The following NNT variants were observed in gnomAD, a reference collection of about 807,000 sequenced individuals.
NNT encodes nicotinamide nucleotide transhydrogenase.
A neutral mutation model predicts 104.8 loss-of-function variants in NNT; 50 were observed. The ratio of observed to expected loss-of-function variants is 0.48; its 90% CI spans 0.38 to 0.60. NNT has a LOEUF of 0.60. Among genes scored for constraint, NNT ranks in the 20% least tolerant of loss-of-function variants. The probability of loss-of-function intolerance (pLI) is 0.00; values close to 1 mark genes in which losing one functional copy is unlikely to be tolerated. For synonymous variants in NNT, 461 were observed against 490.4 expected (o/e 0.94, Z 0.79); for missense variants, 1,131 against 1,330.7 (o/e 0.85, Z 2.33).
chr5:43,652,960 C>T (rs993889448), intron 13 of NNT, 58 bp from the exon 14 acceptor site: 2 of 1,365,002 alleles, frequency 1.5e-6, no homozygotes, highest in Non-Finnish European at 2.0e-6. Flanking sequence ...ATATTGAAAT[C>T]TCTAAGCTAA....
At chr5:43,634,206 A>G (rs886161832) in intron 7 of NNT, among the ~76,000 whole-genome samples, 16 of 152,242 alleles carry the variant, frequency 1.1e-4, no homozygotes, top group South Asian at 6.2e-4. Flanking sequence ...GTTTTCCTCC[A>G]ATATGCAAGT....
At chr5:43,702,504 C>T (rs111304614) in intron 20 of NNT, 117 bp from the exon 21 acceptor site, 30 of 642,088 alleles carry the variant, frequency 4.7e-5, no homozygotes, top group Middle Eastern at 4.3e-4. Context: ...GGCACAAGTG[C>T]GAATCCTATA....
intron 1 of NNT, among the ~76,000 whole-genome samples, chr5:43,608,603 C>T (rs997372988): frequency 2.6e-5 from 4 of 152,130 alleles, no homozygotes; most frequent in African/African-American, 9.7e-5. Flanking sequence ...ACTCAGTCAG[C>T]CTCAGTTCAG....
In NNT at chr5:43,609,057, A is replaced by G. The variant is rs868648855; in HGVS notation, c.-53-86A>G. 72 of 619,386 alleles carry G rather than the reference A, an allele frequency of 1.2e-4. 1 individual carries two copies. In the Middle Eastern group the frequency reaches 8.2e-3, roughly 71 times the overall value. 38.4% of individuals were successfully genotyped at this position (619,386 alleles called of 1,614,324 possible). A position where few individuals can be genotyped will look rare whatever the true frequency, so the allele number is the denominator to read the frequency against. ...AACTGTTATATTTCAAGCTCTTTAG[A>G]TTAGTATTTTTAAAATGTTTTTCAT... On this transcript the variant is annotated intron_variant, in intron 1 of 21. Transcript: ENST00000344920.
intron 19 of NNT, 28 bp from the exon 20 acceptor site, chr5:43,700,091 G>A (rs745878897): frequency 2.5e-6 from 4 of 1,569,564 alleles, no homozygotes; most frequent in Non-Finnish European, 1.8e-6. Context: ...GTCAAGTAAG[G>A]CCAGCTCTTC....
At chr5:43,636,783 AT>A (rs34333213) in intron 7 of NNT, among the ~76,000 whole-genome samples, 5,130 of 152,180 alleles carry the variant, frequency 0.034, 135 homozygotes, top group East Asian at 0.12. Flanking sequence ...ATCTTGACTA[AT>A]TTTGCTTTTT....
chr5:43,619,882 G>T (rs1749979716), intron 5 of NNT, among the ~76,000 whole-genome samples: 1 of 152,170 alleles, frequency 6.6e-6, no homozygotes, highest in African/African-American at 2.4e-5. Context: ...ACTCATGGTG[G>T]ACAGTGTAAA....
chr5:43,661,677 TGTG>T (rs1561300424), intron 17 of NNT, among the ~76,000 whole-genome samples: 4 of 150,686 alleles, frequency 2.7e-5, no homozygotes, highest in African/African-American at 9.8e-5. Flanking sequence ...TTTTTGTTCT[TGTG>T]ATAGTTTACT....
At chr5:43,704,213 G>T in intron 21 of NNT, 42 bp from the exon 22 acceptor site, 1 of 1,504,766 alleles carries the variant, frequency 6.6e-7, no homozygotes, top group South Asian at 1.4e-5. Context: ...GTCCTAGGTT[G>T]GTCTGTTAAA....
intron 19 of NNT, among the ~76,000 whole-genome samples, chr5:43,697,475 TC>T (rs1742617870): frequency 6.6e-6 from 1 of 152,236 alleles, no homozygotes; most frequent in South Asian, 2.1e-4. Context: ...TCTAAACTGT[TC>T]CAGCCTCTGC....
Position 43,650,516 on chromosome 5 carries a change from A to G in NNT, c.1646A>G (p.His549Arg). The G allele has an allele frequency of 4.3e-6, 7 of 1,614,092 alleles. No individual in the cohort carries two copies. Among genetic ancestry groups the G allele is most frequent in the Non-Finnish European group, 5.9e-6 (7 of 1,180,002 alleles). ...AVGGLALMGG[H>R]LYPSTTSQGL... ...GGTGGGTTGGCACTGATGGGAGGAC[A>G]TTTGTATCCTTCCACAACTTCTCAG... Residue 549 changes from histidine to arginine, a missense_variant, in exon 12 of 22, where the codon CAT becomes CGT. Transcript: ENST00000344920.
intron 16 of NNT, 63 bp from the exon 17 acceptor site, chr5:43,659,108 T>G: frequency 6.9e-7 from 1 of 1,449,368 alleles, no homozygotes. Context: ...AGCAAAATGT[T>G]AAATGTCAGA....
chr5:43,635,526 T>C (rs1750887356), intron 7 of NNT, among the ~76,000 whole-genome samples: 1 of 152,188 alleles, frequency 6.6e-6, no homozygotes, highest in Admixed American at 6.6e-5. Context: ...GAGAACATTG[T>C]ATTAGTGTGC....
intron 12 of NNT, 32 bp from the exon 13 acceptor site, chr5:43,651,707 A>T: frequency 6.2e-7 from 1 of 1,612,170 alleles, no homozygotes; most frequent in Non-Finnish European, 8.5e-7. Flanking sequence ...TCAAAGAGGT[A>T]CTATGTTTTT....
In NNT at chr5:43,680,141, G is replaced by A. The variant is rs529891473; in HGVS notation, c.2876+2335G>A. Among the ~76,000 whole-genome samples, 126 of 152,018 alleles carry A rather than the reference G, an allele frequency of 8.3e-4. 1 individual carries two copies. The highest frequency in any genetic ancestry group is 3.0e-3 in the African/African-American group (125 of 41,510). ...AGCAGATCATCATATTTTTCTGTGT[G>A]AATTTTTTTTATTGAAAGAGATTTG... On this transcript the variant is annotated intron_variant, in intron 19 of 21. Coordinates refer to ENST00000344920, the MANE Select transcript of NNT (RefSeq NM_182977.3).
chr5:43,665,243 T>A lies in NNT; in HGVS notation c.2634+5893T>A, dbSNP rs531974346. On this transcript the variant is annotated intron_variant, in intron 17 of 21. Coordinates refer to ENST00000344920, the MANE Select transcript of NNT (RefSeq NM_182977.3). The stretch of plus-strand genomic sequence containing the variant: ...ATTTATTATTATTATTATTATTATT[T>A]TTTAGTATTTATTGATCATTCTTGG... 4.0e-3 allele frequency among the ~76,000 whole-genome samples: 597 copies of A among 150,554 alleles called. 2 individuals are homozygous for A. Among genetic ancestry groups the A allele is most frequent in the African/African-American group, 7.8e-3 (322 of 41,066 alleles).
chr5:43,650,724 A>G, intron 12 of NNT, 137 bp downstream of exon 12: 2 of 598,716 alleles, frequency 3.3e-6, no homozygotes, highest in Non-Finnish European at 5.5e-6. Flanking sequence ...TTGCAGGAAA[A>G]TTAGTTATTT....
At chr5:43,645,110 C>A (rs1019355584) in intron 9 of NNT, among the ~76,000 whole-genome samples, 3 of 152,044 alleles carry the variant, frequency 2.0e-5, no homozygotes, top group African/African-American at 7.2e-5. Flanking sequence ...TTAATTTGCA[C>A]TCTTGCTTAT....
intron 19 of NNT, among the ~76,000 whole-genome samples, 168 bp downstream of exon 19, chr5:43,677,974 CCTA>C (rs1420187497): frequency 2.6e-5 from 4 of 152,064 alleles, no homozygotes; most frequent in Admixed American, 2.6e-4. Context: ...CTACTAATGG[CCTA>C]CTGCTGATCA....
Sources: allele counts gnomAD v4.1 joint callset (sites outside exome capture counted in the v4.1 genomes callset), GRCh38; gene constraint gnomAD v4.1.1; transcripts MANE v1.5; gene names NCBI Gene and HGNC (gene_info 2026-07-23, HGNC 2026-07-21).